PPP1R16B: variants seen among roughly 807,000 people sequenced by gnomAD.
PPP1R16B encodes protein phosphatase 1 regulatory subunit 16B.
Under a neutral mutation model 61.7 loss-of-function variants are expected in PPP1R16B, and 14 were observed. That is an observed-to-expected ratio of 0.23 (90% CI 0.15 to 0.35). PPP1R16B has a LOEUF of 0.35. Ranked by LOEUF, PPP1R16B falls within the 10% of genes least tolerant of loss-of-function variation. PPP1R16B has a pLI of 1.00. For missense variants in PPP1R16B, 547 were observed against 752.5 expected (o/e 0.73, Z 3.19); for synonymous variants, 266 against 305.3 (o/e 0.87, Z 1.34).
At chr20:38,883,508 G>T (rs1158456397) in intron 2 of PPP1R16B, among the ~76,000 whole-genome samples, 1 of 152,236 alleles carries the variant, frequency 6.6e-6, no homozygotes, top group Non-Finnish European at 1.5e-5. Context: ...GGTGTAGGCG[G>T]AGCAGCGGGG....
chr20:38,903,046 G>C (rs1458980129), intron 6 of PPP1R16B, among the ~76,000 whole-genome samples: 7 of 152,220 alleles, frequency 4.6e-5, no homozygotes, highest in African/African-American at 1.4e-4. Flanking sequence ...AGGCTGAGGT[G>C]GGAGGATCAC....
At chr20:38,902,627 G>T in intron 5 of PPP1R16B, 41 bp from the exon 6 acceptor site, 2 of 1,613,248 alleles carry the variant, frequency 1.2e-6, no homozygotes, top group Non-Finnish European at 1.7e-6. Flanking sequence ...TGGGGTCGTA[G>T]GCCTGAGGGT....
chr20:38,919,379 G>A lies in PPP1R16B; in HGVS notation c.*713G>A, dbSNP rs185079646. On this transcript the variant is annotated 3_prime_UTR_variant, in exon 11 of 11. Transcript: ENST00000299824. ...TCTGCCCATGCCAGGAGCCAGCTGTGTGACCATCCAGGGGTGGAGGGGGAA... is the reference window on the plus strand; with the variant it reads ...TCTGCCCATGCCAGGAGCCAGCTGTATGACCATCCAGGGGTGGAGGGGGAA... The A allele has an allele frequency of 2.6e-5, 4 of 152,426 alleles. No homozygotes were observed. In the East Asian group the frequency reaches 7.7e-4, roughly 29 times the overall value. The allele number at this position is 152,426 out of a possible 1,614,324, so 9.4% of individuals were successfully genotyped here.
chr20:38,872,593 C>T (rs1395776906), intron 2 of PPP1R16B, among the ~76,000 whole-genome samples: 1 of 152,146 alleles, frequency 6.6e-6, no homozygotes, highest in African/African-American at 2.4e-5. Flanking sequence ...TGGGGTAGGG[C>T]CACCGGATTT....
At chr20:38,916,892 G>A (rs968790248) in intron 10 of PPP1R16B, among the ~76,000 whole-genome samples, 2 of 151,758 alleles carry the variant, frequency 1.3e-5, no homozygotes, top group Admixed American at 6.6e-5. Flanking sequence ...TAGTATTAAC[G>A]ATTAGTGGGG....
At chr20:38,832,116 C>A (rs1347093414) in intron 1 of PPP1R16B, among the ~76,000 whole-genome samples, 3 of 152,186 alleles carry the variant, frequency 2.0e-5, no homozygotes, top group African/African-American at 7.2e-5. Flanking sequence ...CTTGAGAACC[C>A]CGGGCAGACT....
intron 1 of PPP1R16B, among the ~76,000 whole-genome samples, chr20:38,816,875 G>T (rs922446279): frequency 3.3e-5 from 5 of 152,158 alleles, no homozygotes; most frequent in Non-Finnish European, 7.4e-5. Flanking sequence ...CCTGGTTCTG[G>T]TCCCAGGGCC....
At chr20:38,846,306 G>C (rs1484795660) in intron 2 of PPP1R16B, among the ~76,000 whole-genome samples, 1 of 152,160 alleles carries the variant, frequency 6.6e-6, no homozygotes. Context: ...GACTGTAGGA[G>C]GTCATCTAGG....
intron 3 of PPP1R16B, among the ~76,000 whole-genome samples, chr20:38,891,871 G>C (rs1017709387): frequency 8.6e-5 from 13 of 152,010 alleles, no homozygotes; most frequent in Admixed American, 5.9e-4. Context: ...CTATTCAATA[G>C]AACTTTCTAC....
At chr20:38,824,171 A>G (rs1251584632) in intron 1 of PPP1R16B, among the ~76,000 whole-genome samples, 2 of 152,234 alleles carry the variant, frequency 1.3e-5, no homozygotes, top group Admixed American at 6.5e-5. Flanking sequence ...AGAACTTGGC[A>G]GGTGGAAGGT....
intron 1 of PPP1R16B, among the ~76,000 whole-genome samples, chr20:38,825,326 AG>A (rs1210050953): frequency 6.6e-6 from 1 of 152,242 alleles, no homozygotes; most frequent in Non-Finnish European, 1.5e-5. Flanking sequence ...AGGGGGAAGT[AG>A]GAACTAGAAA....
intron 2 of PPP1R16B, among the ~76,000 whole-genome samples, chr20:38,881,976 G>A (rs1002035891): frequency 6.6e-6 from 1 of 152,092 alleles, no homozygotes; most frequent in Non-Finnish European, 1.5e-5. Context: ...GGTGTCTTTG[G>A]GCAAATCATT....
At chr20:38,841,523 A>G (rs2084909331) in intron 2 of PPP1R16B, among the ~76,000 whole-genome samples, 2 of 152,162 alleles carry the variant, frequency 1.3e-5, no homozygotes, top group South Asian at 4.1e-4. Context: ...GCAAGACCCC[A>G]TCTCAAAAAC....
In PPP1R16B at chr20:38,907,941, T is replaced by G; in HGVS notation, c.1028+6T>G. ...TCCAGCGCAGGCAGCCGTGGGTGAGTCCGGGGCAGGGCAGCCAGGAGTCCC... is the reference window on the plus strand; with the variant it reads ...TCCAGCGCAGGCAGCCGTGGGTGAGGCCGGGGCAGGGCAGCCAGGAGTCCC... On this transcript the variant is annotated splice_donor_region_variant and intron_variant, in intron 9 of 10. Coordinates refer to ENST00000299824, the MANE Select transcript of PPP1R16B (RefSeq NM_015568.4). This position sits in a 1 kb window ranked among gnomAD's most constrained non-coding sequence, Gnocchi z 4.5. 2 of 1,613,988 alleles carry G rather than the reference T, an allele frequency of 1.2e-6. No homozygotes were observed. The highest frequency in any genetic ancestry group is 1.7e-6 in the Non-Finnish European group (2 of 1,179,968).
At chr20:38,905,762 G>A (rs2085435511) in intron 6 of PPP1R16B, among the ~76,000 whole-genome samples, 1 of 152,108 alleles carries the variant, frequency 6.6e-6, no homozygotes, top group Admixed American at 6.6e-5. Context: ...CAACCACAGG[G>A]GAGAAGAATT....
intron 10 of PPP1R16B, among the ~76,000 whole-genome samples, chr20:38,911,506 G>A (rs2085489859): frequency 2.0e-5 from 3 of 150,306 alleles, no homozygotes; most frequent in Admixed American, 2.0e-4. Flanking sequence ...TCGATTGTTT[G>A]AATATTAAAA....
At chr20:38,888,563 C>A (rs1034631229) in intron 2 of PPP1R16B, among the ~76,000 whole-genome samples, 1 of 152,090 alleles carries the variant, frequency 6.6e-6, no homozygotes, top group Non-Finnish European at 1.5e-5. Context: ...TGGGTGGACT[C>A]GTCCCACTGG....
At chr20:38,818,881 C>T (rs1488103629) in intron 1 of PPP1R16B, among the ~76,000 whole-genome samples, 1 of 151,796 alleles carries the variant, frequency 6.6e-6, no homozygotes, top group African/African-American at 2.4e-5. Context: ...TGGGCTTAGG[C>T]GATCCTCCCA....
chr20:38,880,957 C>T (rs1463873037), intron 2 of PPP1R16B, among the ~76,000 whole-genome samples: 3 of 152,170 alleles, frequency 2.0e-5, no homozygotes, highest in Admixed American at 6.5e-5. Flanking sequence ...GATTTCCACG[C>T]GTCTTCACAC....
Sources: allele counts gnomAD v4.1 joint callset (sites outside exome capture counted in the v4.1 genomes callset), GRCh38; gene constraint gnomAD v4.1.1; non-coding constraint Gnocchi (gnomAD v3.1); transcripts MANE v1.5; gene names NCBI Gene and HGNC (gene_info 2026-07-23, HGNC 2026-07-21).